The following SPTBN1 variants were observed in gnomAD, a reference collection of about 807,000 sequenced individuals.
SPTBN1 encodes spectrin beta, non-erythrocytic 1.
In SPTBN1, 32 loss-of-function variants were observed where a neutral mutation model predicts 266.4. The ratio of observed to expected loss-of-function variants is 0.12; its 90% CI spans 0.09 to 0.16. SPTBN1 has a LOEUF of 0.16. Among genes scored for constraint, SPTBN1 ranks in the 10% least tolerant of loss-of-function variants. The pLI is 1.00. For missense variants in SPTBN1, 2,296 were observed against 3,067.1 expected (o/e 0.75, Z 5.94); for synonymous variants, 1,336 against 1,162.2 (o/e 1.15, Z -3.04).
intron 1 of SPTBN1, among the ~76,000 whole-genome samples, chr2:54,480,428 T>A (rs555226633): frequency 5.1e-4 from 77 of 152,364 alleles, no homozygotes; most frequent in African/African-American, 1.8e-3. Context: ...AACACATCGT[T>A]TTTTAGTGTA....
intron 32 of SPTBN1, chr2:54,661,010 G>A (rs968375021): frequency 9.1e-6 from 9 of 985,238 alleles, no homozygotes; most frequent in African/African-American, 1.7e-5. Flanking sequence ...TTACTTGAAC[G>A]TTGCACTTGG....
intron 17 of SPTBN1, 35 bp from the exon 18 acceptor site, chr2:54,637,677 CT>C: frequency 1.3e-6 from 2 of 1,528,838 alleles, no homozygotes; most frequent in Non-Finnish European, 1.8e-6. Flanking sequence ...TCTCTACTTC[CT>C]TTTTTAAAAA....
chr2:54,508,113 C>T (rs1669669260), intron 1 of SPTBN1, among the ~76,000 whole-genome samples: 1 of 152,132 alleles, frequency 6.6e-6, no homozygotes, highest in Non-Finnish European at 1.5e-5. Context: ...AAACCAGGTG[C>T]CACTGAATAC....
chr2:54,517,536 C>G (rs2104264172), intron 1 of SPTBN1, among the ~76,000 whole-genome samples: 1 of 152,056 alleles, frequency 6.6e-6, no homozygotes, highest in Middle Eastern at 3.4e-3. Context: ...ACTTTATTAA[C>G]AAGAGTTTAG....
At chr2:54,571,660 A>AAATACCT (rs1187803129) in intron 2 of SPTBN1, among the ~76,000 whole-genome samples, 2 of 150,698 alleles carry the variant, frequency 1.3e-5, no homozygotes, top group East Asian at 3.9e-4. Context: ...CCTGATACTC[A>AAATACCT]GTGGGTATTT....
At chr2:54,612,476 A>C in intron 4 of SPTBN1, 142 bp downstream of exon 4, 2 of 973,750 alleles carry the variant, frequency 2.1e-6, no homozygotes, top group Non-Finnish European at 2.9e-6. Flanking sequence ...TGTCATATCC[A>C]GCCCTCAGAA....
intron 2 of SPTBN1, among the ~76,000 whole-genome samples, chr2:54,531,566 A>AGT (rs1671240953): frequency 6.6e-6 from 1 of 151,534 alleles, no homozygotes; most frequent in South Asian, 2.1e-4. Context: ...TGGGACTATA[A>AGT]GTGTGTGCCA....
intron 3 of SPTBN1, among the ~76,000 whole-genome samples, chr2:54,599,525 G>A (rs1251861535): frequency 1.2e-4 from 19 of 152,208 alleles, no homozygotes; most frequent in Non-Finnish European, 1.9e-4. Flanking sequence ...AACAGGGCAT[G>A]GTGCTGGAAT....
At chr2:54,510,795 T>C (rs765917429) in intron 1 of SPTBN1, among the ~76,000 whole-genome samples, 16 of 152,246 alleles carry the variant, frequency 1.1e-4, no homozygotes, top group Non-Finnish European at 2.2e-4. Flanking sequence ...CTGGATGCCC[T>C]GATCTTTTCT....
In SPTBN1 at chr2:54,644,413, G is replaced by A; in HGVS notation, c.4096G>A (p.Glu1366Lys). ...TGLHKMWEVL[E>K]STTQTKAQRL... is the part of the protein sequence containing the mutation. ...TTTACATAAAATGTGGGAAGTCCTTGAATCCACTACCCAGACAAAGGCCCA... is the reference window on the plus strand; with the variant it reads ...TTTACATAAAATGTGGGAAGTCCTTAAATCCACTACCCAGACAAAGGCCCA... Residue 1366 changes from glutamate (E) to lysine (K), a missense_variant, in exon 20 of 36, where the codon GAA becomes AAA. Glu to Lys is a moderately conservative substitution (Grantham distance 56). This residue lies in a region of SPTBN1 where 386 missense variants were observed against 486.1 expected (regional missense o/e 0.79). Transcript: ENST00000356805. The A allele has an allele frequency of 6.2e-7, 1 of 1,614,228 alleles. No individual in the cohort carries two copies. Among genetic ancestry groups the A allele is most frequent in the South Asian group, 1.1e-5 (1 of 91,088 alleles).
chr2:54,599,973 C>A (rs1676372651), intron 3 of SPTBN1, among the ~76,000 whole-genome samples: 1 of 152,190 alleles, frequency 6.6e-6, no homozygotes, highest in Non-Finnish European at 1.5e-5. Context: ...CTGTATCCTC[C>A]CAGAGCACAT....
rs1017648809 is a variant in SPTBN1, at chr2:54,545,611, T to A, written c.148+19045T>A. 4 of 152,224 alleles carry A rather than the reference T, an allele frequency of 2.6e-5. 1 individual carries two copies. The highest frequency in any genetic ancestry group is 2.6e-4 in the Admixed American group (4 of 15,286). The allele number at this position is 152,224 out of a possible 1,614,324, so 9.4% of individuals were successfully genotyped here. On this transcript the variant is annotated intron_variant, in intron 2 of 35. Coordinates refer to ENST00000356805, the MANE Select transcript of SPTBN1 (RefSeq NM_003128.3). ...ATTTTTAGGTAACAAAGCTTTTTGA[T>A]GGCATATACAAAAATGGATTCAGAT...
chr2:54,512,264 G>A (rs1268043390), intron 1 of SPTBN1, among the ~76,000 whole-genome samples: 1 of 152,128 alleles, frequency 6.6e-6, no homozygotes, highest in African/African-American at 2.4e-5. Context: ...GTTTTTTCTA[G>A]GATTGATATT....
intron 2 of SPTBN1, among the ~76,000 whole-genome samples, chr2:54,564,252 T>G (rs938746548): frequency 6.6e-6 from 1 of 152,196 alleles, no homozygotes; most frequent in Admixed American, 6.5e-5. Flanking sequence ...AGGAAGGTGA[T>G]AGATAACTCC....
intron 1 of SPTBN1, among the ~76,000 whole-genome samples, chr2:54,488,303 A>G (rs1668512009): frequency 6.6e-6 from 1 of 152,138 alleles, no homozygotes; most frequent in Non-Finnish European, 1.5e-5. Context: ...TTTCCTTGCA[A>G]TTAAAGGCAG....
In SPTBN1 at chr2:54,655,226, T is replaced by C; in HGVS notation, c.5961+18T>C. On this transcript the variant is annotated intron_variant, in intron 28 of 35. Transcript: ENST00000356805. ...CTGAGGAGGTAGGTTGCTACTTTGC[T>C]TTGGAGCTGCAGCTGGCGTCAAGAT... 1 of 1,608,698 alleles carries C rather than the reference T, an allele frequency of 6.2e-7. No homozygotes were observed. Among genetic ancestry groups the C allele is most frequent in the Non-Finnish European group, 8.5e-7 (1 of 1,177,316 alleles).
At chr2:54,596,770 C>A (rs1185996798) in intron 2 of SPTBN1, among the ~76,000 whole-genome samples, 1 of 152,164 alleles carries the variant, frequency 6.6e-6, no homozygotes, top group Non-Finnish European at 1.5e-5. Context: ...CCTCCCGGCA[C>A]AGATCTCAGT....
rs200701033 is a variant in SPTBN1 at position 54,480,466 on chromosome 2, T to C, written c.-48+23948T>C. Among the ~76,000 whole-genome samples, 4 of 152,376 alleles carry C rather than the reference T, an allele frequency of 2.6e-5. No individual in the cohort carries two copies. The East Asian group carries it at 5.8e-4, about 22-fold the overall frequency. On this transcript the variant is annotated intron_variant, in intron 1 of 35. Transcript: ENST00000356805. ...TTTGTCTTATGCAGTATTTGAGACA[T>C]ACTTATCCTAAAAATTCATTGTTTA...
chr2:54,530,923 G>A (rs1671197840), intron 2 of SPTBN1, among the ~76,000 whole-genome samples: 1 of 152,080 alleles, frequency 6.6e-6, no homozygotes, highest in Admixed American at 6.5e-5. Context: ...CTAGCCTCAG[G>A]ATGATGCTGT....
Sources: gnomAD v4.1 joint callset for allele counts (sites outside exome capture counted in the v4.1 genomes callset) on GRCh38, gnomAD v4.1.1 for gene constraint, gnomAD v4.1.1 regional missense constraint, MANE v1.5 for transcripts, NCBI Gene and HGNC (gene_info 2026-07-23, HGNC 2026-07-21) for gene names.